Variants in GAREM1 observed in about 807,000 individuals in gnomAD.
GAREM1 encodes GRB2-associated and regulator of MAPK protein 1.
A neutral mutation model predicts 71.3 loss-of-function variants in GAREM1; 26 were observed. The observed-to-expected ratio is 0.36, with a 90% confidence interval of 0.27 to 0.51. GAREM1 has a LOEUF of 0.51. Ranked by LOEUF, GAREM1 falls within the 20% of genes least tolerant of loss-of-function variation. GAREM1 has a pLI of 0.95. For missense variants in GAREM1, 1,026 were observed against 1,103.1 expected (o/e 0.93, Z 0.99); for synonymous variants, 440 against 433.2 (o/e 1.02, Z -0.20).
At chr18:32,394,175 G>C (rs1390893943) in intron 1 of GAREM1, among the ~76,000 whole-genome samples, 2 of 152,190 alleles carry the variant, frequency 1.3e-5, no homozygotes, top group Non-Finnish European at 2.9e-5. Flanking sequence ...CCAGGTGGGA[G>C]GATGGCTTGA....
intron 1 of GAREM1, chr18:32,413,276 G>C: frequency 7.0e-7 from 1 of 1,430,566 alleles, no homozygotes; most frequent in African/African-American, 1.4e-5. Context: ...ACAGTTTGGG[G>C]GAGTCACTCA....
intron 2 of GAREM1, among the ~76,000 whole-genome samples, chr18:32,338,914 A>G (rs1002920373): frequency 1.3e-5 from 2 of 152,206 alleles, no homozygotes. Context: ...GACTCCCTCT[A>G]TAATGTGCGA....
At chr18:32,308,525 A>T (rs1040989557) in intron 3 of GAREM1, among the ~76,000 whole-genome samples, 1 of 149,716 alleles carries the variant, frequency 6.7e-6, no homozygotes. Context: ...TTCTAAAAAA[A>T]ACTTATTTTT....
chr18:32,315,890 A>G (rs1480373472), intron 2 of GAREM1, among the ~76,000 whole-genome samples: 1 of 152,228 alleles, frequency 6.6e-6, no homozygotes, highest in East Asian at 1.9e-4. Context: ...TTTGGCCTAA[A>G]TAACAGAGTC....
intron 1 of GAREM1, among the ~76,000 whole-genome samples, chr18:32,462,971 A>G (rs2048966004): frequency 6.6e-6 from 1 of 152,162 alleles, no homozygotes; most frequent in South Asian, 2.1e-4. Flanking sequence ...GTACAATGTT[A>G]CAATTAAATA....
At chr18:32,371,551 G>A (rs973792362) in intron 2 of GAREM1, among the ~76,000 whole-genome samples, 3 of 152,128 alleles carry the variant, frequency 2.0e-5, no homozygotes, top group African/African-American at 7.2e-5. Flanking sequence ...AGTCGTGGGA[G>A]GGCTCCCAGA....
At chr18:32,366,024 C>T (rs182134516) in intron 2 of GAREM1, among the ~76,000 whole-genome samples, 2 of 152,230 alleles carry the variant, frequency 1.3e-5, no homozygotes, top group East Asian at 3.9e-4. Flanking sequence ...TTCCATCTCT[C>T]CATTTTCTTT....
At chr18:32,344,209 T>C (rs2144580619) in intron 2 of GAREM1, among the ~76,000 whole-genome samples, 1 of 152,300 alleles carries the variant, frequency 6.6e-6, no homozygotes, top group South Asian at 2.1e-4. Flanking sequence ...CTTTAGGAAT[T>C]GATCTCTTTT....
At chr18:32,388,364 A>C (rs1201423413) in intron 2 of GAREM1, among the ~76,000 whole-genome samples, 1 of 152,224 alleles carries the variant, frequency 6.6e-6, no homozygotes, top group Non-Finnish European at 1.5e-5. Context: ...CCACCTTCAT[A>C]GTAAAAACAG....
chr18:32,457,528 A>G (rs2048908210), intron 1 of GAREM1, among the ~76,000 whole-genome samples: 1 of 151,820 alleles, frequency 6.6e-6, no homozygotes, highest in Non-Finnish European at 1.5e-5. Flanking sequence ...TTCCCAATTG[A>G]GTCAAGGGGA....
intron 2 of GAREM1, among the ~76,000 whole-genome samples, chr18:32,378,111 G>A (rs1272307416): frequency 1.3e-5 from 2 of 151,302 alleles, no homozygotes; most frequent in African/African-American, 4.9e-5. Flanking sequence ...AGTGATAAAT[G>A]CCAGGAATTC....
At chr18:32,412,227 C>T in intron 1 of GAREM1, 5 of 1,572,572 alleles carry the variant, frequency 3.2e-6, no homozygotes, top group Admixed American at 1.7e-5. Context: ...AAATCTTCTG[C>T]CACTGACACA....
intron 1 of GAREM1, among the ~76,000 whole-genome samples, chr18:32,469,263 TGC>T (rs1211439385): frequency 6.6e-6 from 1 of 152,146 alleles, no homozygotes; most frequent in African/African-American, 2.4e-5. Flanking sequence ...GTAACCCTAG[TGC>T]CTGTGACTCG....
At chr18:32,340,767 G>A (rs868244458) in intron 2 of GAREM1, among the ~76,000 whole-genome samples, 55 of 152,246 alleles carry the variant, frequency 3.6e-4, no homozygotes, top group African/African-American at 1.3e-3. Context: ...ATAGGGAAGT[G>A]CAAAGTAAAA....
chr18:32,317,518 G>A (rs2047390849), intron 2 of GAREM1, among the ~76,000 whole-genome samples: 1 of 151,858 alleles, frequency 6.6e-6, no homozygotes, highest in South Asian at 2.1e-4. Context: ...AGTTGCTCAT[G>A]TTTGTCTTTG....
chr18:32,373,030 T>G (rs149827916), intron 2 of GAREM1, among the ~76,000 whole-genome samples: 1 of 152,212 alleles, frequency 6.6e-6, no homozygotes, highest in Non-Finnish European at 1.5e-5. Flanking sequence ...CAGAGGAACA[T>G]GTTTGACAAT....
At chr18:32,412,266 C>A (rs941114992) in intron 1 of GAREM1, 14 of 1,576,708 alleles carry the variant, frequency 8.9e-6, no homozygotes, top group Non-Finnish European at 1.2e-5. Context: ...ACCGCCATAG[C>A]CACCTTGGTT....
At chr18:32,353,258 G>A (rs2047770434) in intron 2 of GAREM1, among the ~76,000 whole-genome samples, 1 of 152,134 alleles carries the variant, frequency 6.6e-6, no homozygotes, top group Non-Finnish European at 1.5e-5. Flanking sequence ...TCTTTTGAGG[G>A]CATATTGTGG....
intron 2 of GAREM1, among the ~76,000 whole-genome samples, chr18:32,317,699 T>TA (rs1258759367): frequency 6.6e-6 from 1 of 151,544 alleles, no homozygotes; most frequent in East Asian, 1.9e-4. Flanking sequence ...TGTTGCTTTT[T>TA]TTTTTTTTTT....
Sources: allele counts gnomAD v4.1 joint callset (sites outside exome capture counted in the v4.1 genomes callset), GRCh38; gene constraint gnomAD v4.1.1; transcripts MANE v1.5; gene names NCBI Gene and HGNC (gene_info 2026-07-23, HGNC 2026-07-21).